The following HACE1 variants were observed in gnomAD, a reference collection of about 807,000 sequenced individuals.
The protein encoded by HACE1 is HECT domain and ankyrin repeat containing E3 ubiquitin protein ligase 1.
Under a neutral mutation model 118.4 loss-of-function variants are expected in HACE1, and 73 were observed. The ratio of observed to expected loss-of-function variants is 0.62; its 90% CI spans 0.51 to 0.75. The LOEUF (loss-of-function observed/expected upper bound fraction) is 0.75, where lower values mean the gene tolerates loss of function less well. Ranked by LOEUF, HACE1 falls within the 30% of genes least tolerant of loss-of-function variation. The probability of loss-of-function intolerance (pLI) is 0.00; values close to 1 mark genes in which losing one functional copy is unlikely to be tolerated. For synonymous variants in HACE1, 368 were observed against 374.8 expected (o/e 0.98, Z 0.21); for missense variants, 749 against 1,102.2 (o/e 0.68, Z 4.54).
intron 19 of HACE1, among the ~76,000 whole-genome samples, chr6:104,763,100 T>C (rs1779595706): frequency 6.6e-6 from 1 of 151,890 alleles, no homozygotes; most frequent in Non-Finnish European, 1.5e-5. Flanking sequence ...GGTTTGGTAA[T>C]TTTTAAAGTT....
chr6:104,763,648 G>A (rs971411872), intron 19 of HACE1, among the ~76,000 whole-genome samples: 5 of 152,030 alleles, frequency 3.3e-5, no homozygotes, highest in African/African-American at 4.8e-5. Flanking sequence ...CATGTTCAGG[G>A]TAGCTACAGC....
At chr6:104,763,884 T>C (rs1779677732) in intron 19 of HACE1, among the ~76,000 whole-genome samples, 1 of 152,074 alleles carries the variant, frequency 6.6e-6, no homozygotes, top group African/African-American at 2.4e-5. Flanking sequence ...ACCTCATTCC[T>C]ACTAAAAATA....
At chr6:104,755,125 A>G (rs1241481556) in intron 19 of HACE1, among the ~76,000 whole-genome samples, 1 of 152,210 alleles carries the variant, frequency 6.6e-6, no homozygotes. Flanking sequence ...AGAAAAAAGC[A>G]GGAGTTGCAA....
At chr6:104,735,564 C>G (rs1197202381) in intron 22 of HACE1, among the ~76,000 whole-genome samples, 3 of 151,530 alleles carry the variant, frequency 2.0e-5, no homozygotes, top group Non-Finnish European at 2.9e-5. Context: ...CCAGGAGGCG[C>G]AGCTTACAGT....
chr6:104,822,060 A>AT (rs371062730), intron 6 of HACE1, among the ~76,000 whole-genome samples: 3,526 of 150,404 alleles, frequency 0.023, 135 homozygotes, highest in African/African-American at 0.083. Context: ...GAAAGTCATA[A>AT]TTTTTTTTTT....
At chr6:104,795,452 C>G in intron 10 of HACE1, 127 bp downstream of exon 10, 4 of 713,134 alleles carry the variant, frequency 5.6e-6, no homozygotes, top group Non-Finnish European at 5.1e-6. Flanking sequence ...CAAAACAAAC[C>G]AGAAGTCAGC....
chr6:104,784,581 A>C (rs1782141046), intron 12 of HACE1, 96 bp from the exon 13 acceptor site: 1 of 787,364 alleles, frequency 1.3e-6, no homozygotes, highest in African/African-American at 2.4e-5. Context: ...ACTGGCTTCT[A>C]AACCAAAAAA....
At chr6:104,756,324 A>T (rs1778636283) in intron 19 of HACE1, among the ~76,000 whole-genome samples, 1 of 150,386 alleles carries the variant, frequency 6.6e-6, no homozygotes, top group Non-Finnish European at 1.5e-5. Flanking sequence ...AGGCAGGAGA[A>T]TTTCTTGAAC....
intron 22 of HACE1, among the ~76,000 whole-genome samples, chr6:104,733,308 TAAC>T (rs60342324): frequency 0.032 from 4,803 of 152,236 alleles, 238 homozygotes; most frequent in African/African-American, 0.11. Flanking sequence ...CCTCTAGTTT[TAAC>T]ATCTTAATTA....
chr6:104,851,025 G>A (rs753766627), intron 2 of HACE1, 29 bp from the exon 3 acceptor site: 5 of 1,351,168 alleles, frequency 3.7e-6, no homozygotes, highest in Admixed American at 1.7e-5. Context: ...GAGGAATCAA[G>A]TGTAAAAAAA....
chr6:104,815,721 A>G lies in HACE1; in HGVS notation c.535-4328T>C, dbSNP rs570390722. Among the ~76,000 whole-genome samples, 8 of 138,608 alleles carry G rather than the reference A, an allele frequency of 5.8e-5. No individual in the cohort carries two copies. The South Asian group carries it at 1.8e-3, about 31-fold the overall frequency. The allele number at this position is 138,608 out of a possible 152,430, so 90.9% of individuals were successfully genotyped here. A position where few individuals can be genotyped will look rare whatever the true frequency, so the allele number is the denominator to read the frequency against. On this transcript the variant is annotated intron_variant, in intron 6 of 23. Coordinates refer to ENST00000262903, the MANE Select transcript of HACE1 (RefSeq NM_020771.4). ...TCAAGATGTGACCTGGCTTATTCTG[A>G]AAGCATTCACTTACATGCATTCACA... is the stretch of plus-strand genomic sequence containing the variant.
At chr6:104,737,578 A>G (rs888219590) in intron 22 of HACE1, among the ~76,000 whole-genome samples, 1 of 152,168 alleles carries the variant, frequency 6.6e-6, no homozygotes. Context: ...GACGGCACCT[A>G]GAAAATCGGG....
chr6:104,790,351 C>A (rs1782896278), intron 11 of HACE1, among the ~76,000 whole-genome samples: 2 of 152,202 alleles, frequency 1.3e-5, no homozygotes, highest in Non-Finnish European at 1.5e-5. Context: ...ATTTTAGAGA[C>A]AGCAAAGCTT....
chr6:104,742,647 A>G (rs1040709712), intron 22 of HACE1, among the ~76,000 whole-genome samples: 111 of 151,288 alleles, frequency 7.3e-4, no homozygotes, highest in Non-Finnish European at 1.5e-3. Context: ...GCGATCATTA[A>G]AAAGTCAGGA....
intron 2 of HACE1, 60 bp downstream of exon 2, chr6:104,852,257 T>C: frequency 1.1e-6 from 1 of 929,736 alleles, no homozygotes. Context: ...GGGCATGCAG[T>C]ACACATTTAG....
At chr6:104,737,121 T>TAA (rs34153414) in intron 22 of HACE1, among the ~76,000 whole-genome samples, 1 of 142,538 alleles carries the variant, frequency 7.0e-6, no homozygotes, top group Admixed American at 7.0e-5. Context: ...TCATCTCTAC[T>TAA]AAAAAAAAAA....
chr6:104,779,428 C>T (rs1781518108), intron 14 of HACE1, among the ~76,000 whole-genome samples: 1 of 152,118 alleles, frequency 6.6e-6, no homozygotes, highest in Admixed American at 6.5e-5. Context: ...TTAATATTTG[C>T]TTTCAGTAAG....
intron 18 of HACE1, among the ~76,000 whole-genome samples, 196 bp from the exon 19 acceptor site, chr6:104,771,585 A>G (rs116787520): frequency 2.0e-5 from 3 of 152,260 alleles, no homozygotes; most frequent in African/African-American, 7.2e-5. Flanking sequence ...CATTGTTACA[A>G]TGTAATCTTT....
At chr6:104,756,423 AAAAATATAT>A (rs1170630469) in intron 19 of HACE1, among the ~76,000 whole-genome samples, 5 of 130,538 alleles carry the variant, frequency 3.8e-5, no homozygotes, top group Non-Finnish European at 4.9e-5. Context: ...AAAAAAAAAA[AAAAATATAT>A]ATATATATAT....
Sources: allele counts gnomAD v4.1 joint callset (sites outside exome capture counted in the v4.1 genomes callset), GRCh38; gene constraint gnomAD v4.1.1; transcripts MANE v1.5; gene names NCBI Gene and HGNC (gene_info 2026-07-23, HGNC 2026-07-21).